The following NTM variants were observed in gnomAD, a reference collection of about 807,000 sequenced individuals.
NTM encodes neurotrimin.
A neutral mutation model predicts 42.1 loss-of-function variants in NTM; 13 were observed. The ratio of observed to expected loss-of-function variants is 0.31; its 90% CI spans 0.20 to 0.49. The LOEUF is 0.49. Ranked by LOEUF, NTM falls within the 20% of genes least tolerant of loss-of-function variation. The probability of loss-of-function intolerance (pLI) is 0.99; values close to 1 mark genes in which losing one functional copy is unlikely to be tolerated. For synonymous variants in NTM, 187 were observed against 179.2 expected (o/e 1.04, Z -0.35); for missense variants, 373 against 452.8 (o/e 0.82, Z 1.60).
intron 2 of NTM, among the ~76,000 whole-genome samples, chr11:132,035,098 G>C (rs1383722656): frequency 6.6e-6 from 1 of 152,178 alleles, no homozygotes; most frequent in Non-Finnish European, 1.5e-5. Context: ...TGTGGACTGA[G>C]AGAAATTTAA....
At position 132,087,734 on chromosome 11, in the gene NTM, GA is replaced by G. The variant is rs371573987; in HGVS notation, c.168-58538del. Among the ~76,000 whole-genome samples, 117 of 148,336 alleles carry G rather than the reference GA, an allele frequency of 7.9e-4. 2 individuals are homozygous for G. Among genetic ancestry groups the G allele is most frequent in the Middle Eastern group, 3.4e-3 (1 of 290 alleles). Reference sequence around the variant, plus strand: ...AACTCCCGACAGGGTGGAGCAAAGGGAAAAAAAAAAGCTTAAGTGCTGGGCC... The same window carrying G: ...AACTCCCGACAGGGTGGAGCAAAGGGAAAAAAAAAGCTTAAGTGCTGGGCC... On this transcript the variant is annotated intron_variant, in intron 2 of 8. Coordinates refer to ENST00000683400, the MANE Select transcript of NTM (RefSeq NM_001352005.2).
chr11:131,807,354 A>C (rs1286360512), intron 1 of NTM, among the ~76,000 whole-genome samples: 1 of 152,188 alleles, frequency 6.6e-6, no homozygotes, highest in Non-Finnish European at 1.5e-5. Context: ...GGGACTGGAG[A>C]CAAGAAAAGC....
chr11:132,093,602 T>C (rs142886015), intron 2 of NTM, among the ~76,000 whole-genome samples: 25 of 152,328 alleles, frequency 1.6e-4, no homozygotes, highest in Non-Finnish European at 3.5e-4. Flanking sequence ...TCTTTTTTGA[T>C]ATTGCATTGT....
chr11:131,460,217 A>T (rs190695447), intron 1 of NTM, among the ~76,000 whole-genome samples: 10 of 152,336 alleles, frequency 6.6e-5, no homozygotes, highest in Non-Finnish European at 1.5e-5. Context: ...TCTTCTGATG[A>T]GGAATAGAAG....
intron 1 of NTM, among the ~76,000 whole-genome samples, chr11:131,691,445 G>A (rs2074696213): frequency 6.6e-6 from 1 of 152,238 alleles, no homozygotes; most frequent in African/African-American, 2.4e-5. Flanking sequence ...GGCTGGCCGA[G>A]CCGAGAGCCG....
chr11:132,161,762 C>T lies in NTM; in HGVS notation c.400+15248C>T, dbSNP rs115193334. ...CTGCGATTCCCTCCTCCCGCAGCTGCGCCATCCCCGGACCCTTCCTGCTGG... is the reference window on the plus strand; with the variant it reads ...CTGCGATTCCCTCCTCCCGCAGCTGTGCCATCCCCGGACCCTTCCTGCTGG... On this transcript the variant is annotated intron_variant, in intron 3 of 8. Coordinates refer to ENST00000683400, the MANE Select transcript of NTM (RefSeq NM_001352005.2). Among the ~76,000 whole-genome samples the T allele has an allele frequency of 2.6e-3, 397 of 152,226 alleles. 4 individuals are homozygous for T. Among genetic ancestry groups the T allele is most frequent in the African/African-American group, 9.1e-3 (378 of 41,524 alleles).
At chr11:131,396,423 T>G (rs1352126408) in intron 1 of NTM, among the ~76,000 whole-genome samples, 1 of 152,204 alleles carries the variant, frequency 6.6e-6, no homozygotes, top group Non-Finnish European at 1.5e-5. Context: ...TCCCCGTGGA[T>G]GTGTACACCT....
At chr11:131,705,403 TAA>T (rs1197980406) in intron 1 of NTM, among the ~76,000 whole-genome samples, 1 of 152,074 alleles carries the variant, frequency 6.6e-6, no homozygotes, top group Non-Finnish European at 1.5e-5. Flanking sequence ...TGTAAAAGAC[TAA>T]AGACTTACCC....
chr11:131,458,714 T>C (rs1388318043), intron 1 of NTM, among the ~76,000 whole-genome samples: 1 of 152,150 alleles, frequency 6.6e-6, no homozygotes, highest in Non-Finnish European at 1.5e-5. Context: ...ATTTTGAGAG[T>C]AGTTACCAAT....
intron 1 of NTM, chr11:131,537,689 G>T (rs1341053019): frequency 6.6e-6 from 1 of 152,300 alleles, no homozygotes; most frequent in South Asian, 2.1e-4. Flanking sequence ...AGAGGCTTTG[G>T]CTGCCTGCAG....
At chr11:132,286,703 G>T (rs189649710) in intron 4 of NTM, among the ~76,000 whole-genome samples, 1 of 152,278 alleles carries the variant, frequency 6.6e-6, no homozygotes, top group Non-Finnish European at 1.5e-5. Flanking sequence ...GGCTCTACTG[G>T]CCCCCTGTGG....
intron 2 of NTM, among the ~76,000 whole-genome samples, chr11:131,942,150 T>A (rs972543961): frequency 6.6e-6 from 1 of 152,090 alleles, no homozygotes; most frequent in Non-Finnish European, 1.5e-5. Flanking sequence ...AAATGGAACA[T>A]GATGTGGCAG....
At chr11:131,532,302 A>G (rs1357989198) in intron 1 of NTM, among the ~76,000 whole-genome samples, 1 of 152,214 alleles carries the variant, frequency 6.6e-6, no homozygotes, top group Non-Finnish European at 1.5e-5. Context: ...TAGGCATTTT[A>G]TGGAAGTGAA....
intron 2 of NTM, among the ~76,000 whole-genome samples, chr11:132,144,217 T>A (rs947358322): frequency 5.3e-5 from 8 of 152,134 alleles, no homozygotes; most frequent in Admixed American, 2.6e-4. Flanking sequence ...CTTCTAGATG[T>A]GACTCAAGGA....
chr11:131,855,612 T>C (rs541551518), intron 1 of NTM, among the ~76,000 whole-genome samples: 2 of 152,278 alleles, frequency 1.3e-5, no homozygotes, highest in African/African-American at 4.8e-5. Flanking sequence ...GTACACTTGA[T>C]AGCCTTCATT....
chr11:131,979,212 C>T (rs2064871168), intron 2 of NTM, among the ~76,000 whole-genome samples: 1 of 152,090 alleles, frequency 6.6e-6, no homozygotes, highest in African/African-American at 2.4e-5. Flanking sequence ...TCAAGGTTAC[C>T]CAGTCAAACT....
At chr11:132,302,467 T>C (rs1007864426) in intron 4 of NTM, among the ~76,000 whole-genome samples, 9 of 152,184 alleles carry the variant, frequency 5.9e-5, no homozygotes, top group African/African-American at 1.9e-4. Context: ...GAACTACGAC[T>C]GTACATGGTG....
intron 1 of NTM, among the ~76,000 whole-genome samples, chr11:131,751,084 C>T (rs1427894735): frequency 2.0e-5 from 3 of 152,146 alleles, no homozygotes; most frequent in African/African-American, 7.2e-5. Context: ...ATTTGGGATG[C>T]CCTTCTTATT....
At chr11:131,528,696 A>C (rs2050834004) in intron 1 of NTM, among the ~76,000 whole-genome samples, 1 of 152,220 alleles carries the variant, frequency 6.6e-6, no homozygotes, top group Admixed American at 6.5e-5. Flanking sequence ...CCTCCCACAG[A>C]TCCCAGTACA....
Sources: allele counts gnomAD v4.1 joint callset (sites outside exome capture counted in the v4.1 genomes callset), GRCh38; gene constraint gnomAD v4.1.1; transcripts MANE v1.5; gene names NCBI Gene and HGNC (gene_info 2026-07-23, HGNC 2026-07-21).